FRMD4A: variants seen among roughly 807,000 people sequenced by gnomAD.
The protein encoded by FRMD4A is FERM domain-containing protein 4A.
A neutral mutation model predicts 129.1 loss-of-function variants in FRMD4A; 29 were observed. The ratio of observed to expected loss-of-function variants is 0.22; its 90% CI spans 0.17 to 0.31. FRMD4A has a LOEUF of 0.31. FRMD4A is among the 10% of genes least tolerant of loss of function. The pLI is 1.00. For missense variants in FRMD4A, 1,272 were observed against 1,375.8 expected (o/e 0.92, Z 1.19); for synonymous variants, 634 against 571.6 (o/e 1.11, Z -1.56).
chr10:13,981,164 C>T (rs1195632101), intron 2 of FRMD4A, among the ~76,000 whole-genome samples: 1 of 152,122 alleles, frequency 6.6e-6, no homozygotes, highest in Non-Finnish European at 1.5e-5. Flanking sequence ...CTGTATTTGA[C>T]TGAGGATGGT....
chr10:13,920,950 T>C (rs1043313320), intron 2 of FRMD4A, among the ~76,000 whole-genome samples: 2 of 152,272 alleles, frequency 1.3e-5, no homozygotes, highest in Non-Finnish European at 2.9e-5. Flanking sequence ...TTACCTATCA[T>C]AATTCACTTA....
intron 2 of FRMD4A, among the ~76,000 whole-genome samples, chr10:14,163,606 C>T (rs1841017417): frequency 6.6e-6 from 1 of 152,210 alleles, no homozygotes; most frequent in Admixed American, 6.5e-5. Flanking sequence ...TTGCCTGGCA[C>T]TCGTTACGAG....
In FRMD4A at chr10:14,105,663, G is replaced by C. The variant is rs181711538; in HGVS notation, c.45+224395C>G. On this transcript the variant is annotated intron_variant, in intron 2 of 24. Transcript: ENST00000357447. The stretch of plus-strand genomic sequence containing the variant: ...TAATTGTGTGTGTGTTTTTGAAAAA[G>C]TTGGTTTGTTTGAAGCAGGTTCCAG... Among the ~76,000 whole-genome samples the C allele has an allele frequency of 3.9e-5, 6 of 152,256 alleles. No individual in the cohort carries two copies. The East Asian group carries it at 1.2e-3, about 29-fold the overall frequency.
At chr10:14,023,961 T>G (rs1832875084) in intron 2 of FRMD4A, among the ~76,000 whole-genome samples, 2 of 152,190 alleles carry the variant, frequency 1.3e-5, no homozygotes, top group Non-Finnish European at 2.9e-5. Context: ...ATTAGCATTT[T>G]GAGCACCCTC....
intron 2 of FRMD4A, among the ~76,000 whole-genome samples, chr10:14,296,606 C>T (rs1371575532): frequency 4.6e-5 from 7 of 152,202 alleles, no homozygotes; most frequent in Non-Finnish European, 7.3e-5. Flanking sequence ...TATAAAAATG[C>T]TAATGTGGAA....
chr10:14,021,388 A>T (rs1832740461), intron 2 of FRMD4A, among the ~76,000 whole-genome samples: 1 of 151,094 alleles, frequency 6.6e-6, no homozygotes, highest in African/African-American at 2.5e-5. Flanking sequence ...CAAAAATAAA[A>T]AAAAAAAATA....
intron 2 of FRMD4A, among the ~76,000 whole-genome samples, chr10:13,875,090 G>A (rs2094475483): frequency 6.6e-6 from 1 of 152,152 alleles, no homozygotes; most frequent in African/African-American, 2.4e-5. Flanking sequence ...AAATGGGAGA[G>A]AACATAGAAT....
intron 2 of FRMD4A, among the ~76,000 whole-genome samples, chr10:14,063,448 T>C (rs184289688): frequency 6.6e-6 from 1 of 152,284 alleles, no homozygotes; most frequent in Admixed American, 6.5e-5. Flanking sequence ...TTATTATCTC[T>C]GAATATTTTA....
intron 2 of FRMD4A, among the ~76,000 whole-genome samples, chr10:14,179,549 G>A (rs1008918957): frequency 2.9e-4 from 44 of 152,114 alleles, no homozygotes; most frequent in African/African-American, 7.7e-4. Flanking sequence ...ATAAATATCC[G>A]AACCTAGCAC....
Position 14,055,459 on chromosome 10 carries a change from ACAAACACAC to A in FRMD4A, c.46-196556_46-196548del, listed in dbSNP as rs1834473753. ...TAGCTACACACACACACACACACAC[ACAAACACAC>A]ACACACACACACACACACACACACA... is the stretch of plus-strand genomic sequence containing the variant. On this transcript the variant is annotated intron_variant, in intron 2 of 24. Transcript: ENST00000357447. Among the ~76,000 whole-genome samples the A allele has an allele frequency of 6.0e-3, 664 of 111,436 alleles. 2 individuals are homozygous for A. Among genetic ancestry groups the A allele is most frequent in the African/African-American group, 0.016 (434 of 26,946 alleles). The allele number at this position is 111,436 out of a possible 152,430, so 73.1% of individuals were successfully genotyped here.
At chr10:13,820,701 G>A (rs2093617010) in intron 3 of FRMD4A, among the ~76,000 whole-genome samples, 1 of 152,214 alleles carries the variant, frequency 6.6e-6, no homozygotes, top group South Asian at 2.1e-4. Flanking sequence ...TCACTGCAGA[G>A]CCCCCAGTGA....
intron 2 of FRMD4A, among the ~76,000 whole-genome samples, chr10:14,310,583 G>C (rs751802893): frequency 3.3e-5 from 5 of 152,132 alleles, no homozygotes; most frequent in Admixed American, 1.3e-4. Context: ...CCTTTTCTTT[G>C]TCACCACGTG....
intron 2 of FRMD4A, among the ~76,000 whole-genome samples, chr10:14,236,671 C>T (rs573106082): frequency 1.4e-3 from 219 of 152,276 alleles, no homozygotes; most frequent in African/African-American, 5.0e-3. Context: ...AACATTTGGC[C>T]CTGCTCGGGT....
At chr10:14,289,484 C>T (rs1218456) in intron 2 of FRMD4A, among the ~76,000 whole-genome samples, 81,483 of 151,928 alleles carry the variant, frequency 0.54, 22,788 homozygotes, top group African/African-American at 0.71. Flanking sequence ...TCGTCATTAT[C>T]TATTTGCAAT....
At chr10:13,751,518 G>C (rs552314586) in intron 8 of FRMD4A, among the ~76,000 whole-genome samples, 1 of 152,290 alleles carries the variant, frequency 6.6e-6, no homozygotes, top group Admixed American at 6.5e-5. Context: ...AAATCAGAAA[G>C]CTCCCCTAAT....
At chr10:13,801,013 C>G (rs901873899) in intron 4 of FRMD4A, among the ~76,000 whole-genome samples, 3 of 152,224 alleles carry the variant, frequency 2.0e-5, no homozygotes, top group African/African-American at 7.2e-5. Context: ...CTTTGGGAGG[C>G]CATGGCAGGT....
intron 4 of FRMD4A, 24 bp downstream of exon 4, chr10:13,810,790 G>A (rs766153650): frequency 1.3e-5 from 16 of 1,273,748 alleles, no homozygotes; most frequent in Non-Finnish European, 1.8e-5. Flanking sequence ...CCTTCGGGCT[G>A]TGAGGGCTCA....
At chr10:14,166,350 T>C (rs1841175723) in intron 2 of FRMD4A, among the ~76,000 whole-genome samples, 1 of 152,126 alleles carries the variant, frequency 6.6e-6, no homozygotes, top group Non-Finnish European at 1.5e-5. Flanking sequence ...GGTTTCATAA[T>C]GATACAAGAA....
Position 13,660,557 on chromosome 10 carries a change from C to A in FRMD4A, c.1661-4G>T. 1 of 1,561,268 alleles carries A rather than the reference C, an allele frequency of 6.4e-7. No homozygotes were observed. Among genetic ancestry groups the A allele is most frequent in the South Asian group, 1.1e-5 (1 of 88,104 alleles). On this transcript the variant is annotated splice_polypyrimidine_tract_variant and splice_region_variant and intron_variant, in intron 19 of 24. Transcript: ENST00000357447. ...GTGCTGGTAACCTGAGAGTCTTCTGCACAAAGACAGGAAGAGAGGAACTGA... is the reference window on the plus strand; with the variant it reads ...GTGCTGGTAACCTGAGAGTCTTCTGAACAAAGACAGGAAGAGAGGAACTGA...
Sources: allele counts gnomAD v4.1 joint callset (sites outside exome capture counted in the v4.1 genomes callset), GRCh38; gene constraint gnomAD v4.1.1; transcripts MANE v1.5; gene names NCBI Gene and HGNC (gene_info 2026-07-23, HGNC 2026-07-21).